MYO18B: variants seen among roughly 807,000 people sequenced by gnomAD.
MYO18B encodes the protein myosin XVIIIB.
MYO18B carries 204 observed loss-of-function variants against 273.0 expected under a neutral mutation model. The ratio of observed to expected loss-of-function variants is 0.75; its 90% CI spans 0.67 to 0.84. MYO18B has a LOEUF of 0.84. MYO18B is among the 40% of genes least tolerant of loss of function. The pLI is 0.00. For synonymous variants in MYO18B, 1,330 were observed against 1,305.7 expected, an observed-to-expected ratio of 1.02 and a Z score of -0.40; for missense variants, 3,212 against 3,287.6, an observed-to-expected ratio of 0.98 and a Z score of 0.56.
intron 39 of MYO18B, among the ~76,000 whole-genome samples, chr22:25,979,250 G>A (rs2093124954): frequency 6.6e-6 from 1 of 152,150 alleles, no homozygotes; most frequent in Non-Finnish European, 1.5e-5. Flanking sequence ...TGTCAAAGGT[G>A]GCTTAGTAAT....
At chr22:25,931,688 T>C (rs1244237169) in intron 34 of MYO18B, among the ~76,000 whole-genome samples, 11 of 144,774 alleles carry the variant, frequency 7.6e-5, no homozygotes, top group South Asian at 2.2e-4. Context: ...TTTCTTTTTT[T>C]TTTTTTTTTT....
At position 25,789,557 on chromosome 22, in the gene MYO18B, A is replaced by G. The variant is rs1457968268; in HGVS notation, c.2376+4066A>G. On this transcript the variant is annotated intron_variant, in intron 11 of 43. Transcript: ENST00000335473. ...AGGCTGAGGCAGGAGAATCACTGGG[A>G]CCTGGGAGGCAGAGGCTGCAGTGAG... Among the ~76,000 whole-genome samples the G allele has an allele frequency of 3.3e-5, 5 of 151,688 alleles. No homozygotes were observed. In the East Asian group the frequency reaches 9.7e-4, roughly 30 times the overall value.
intron 34 of MYO18B, among the ~76,000 whole-genome samples, chr22:25,944,393 C>T (rs1450540904): frequency 2.0e-5 from 3 of 152,270 alleles, no homozygotes; most frequent in Non-Finnish European, 4.4e-5. Context: ...TGACCCATCC[C>T]TCTCTGAGCC....
intron 11 of MYO18B, among the ~76,000 whole-genome samples, chr22:25,793,958 G>A (rs1205961390): frequency 6.6e-6 from 1 of 151,510 alleles, no homozygotes; most frequent in African/African-American, 2.4e-5. Flanking sequence ...TTTTGAGACG[G>A]AGTCTTGCTC....
chr22:25,878,447 A>G (rs1160543681), intron 25 of MYO18B, among the ~76,000 whole-genome samples: 1 of 152,242 alleles, frequency 6.6e-6, no homozygotes, highest in Non-Finnish European at 1.5e-5. Context: ...GAAATTTGCA[A>G]ACTGGAAAAG....
chr22:25,998,892 T>G (rs1017613743), intron 40 of MYO18B, among the ~76,000 whole-genome samples: 2 of 152,200 alleles, frequency 1.3e-5, no homozygotes, highest in African/African-American at 4.8e-5. Flanking sequence ...TGATGCTGCA[T>G]AGACCACCTG....
intron 39 of MYO18B, among the ~76,000 whole-genome samples, chr22:25,974,894 C>T (rs118148509): frequency 1.1e-3 from 172 of 152,184 alleles, no homozygotes; most frequent in Non-Finnish European, 1.9e-3. Context: ...AGAGGGAATG[C>T]GGGGGAAGAA....
rs534994979 is a variant in MYO18B, at chr22:25,971,959, T to A, written c.6156+16595T>A. Among the ~76,000 whole-genome samples, 336 of 150,812 alleles carry A rather than the reference T, an allele frequency of 2.2e-3. 1 individual carries two copies. The highest frequency in any genetic ancestry group is 7.6e-3 in the African/African-American group (313 of 41,084). On this transcript the variant is annotated intron_variant, in intron 39 of 43. Transcript: ENST00000335473. Reference sequence around the variant, plus strand: ...AACCTGAAAGGGCAAAAAAAAAAAATTTTTTTAGTAGAGACGGGGTTTTGC... The same window carrying A: ...AACCTGAAAGGGCAAAAAAAAAAAAATTTTTTAGTAGAGACGGGGTTTTGC...
intron 11 of MYO18B, among the ~76,000 whole-genome samples, chr22:25,787,250 G>A (rs1004395210): frequency 3.5e-5 from 5 of 141,774 alleles, no homozygotes; most frequent in Non-Finnish European, 6.0e-5. Context: ...AAATTGCTAA[G>A]CCTGTGTGCG....
At chr22:25,998,986 G>C (rs970660866) in intron 40 of MYO18B, among the ~76,000 whole-genome samples, 50 of 152,220 alleles carry the variant, frequency 3.3e-4, no homozygotes, top group African/African-American at 1.0e-3. Flanking sequence ...CCAGCATTAC[G>C]GGAAATAATG....
chr22:25,868,512 G>A, intron 22 of MYO18B, 127 bp downstream of exon 22: 1 of 765,650 alleles, frequency 1.3e-6, no homozygotes, highest in Non-Finnish European at 2.1e-6. Flanking sequence ...TGAAGGTAGA[G>A]CTAATGATTT....
chr22:25,768,781 C>A lies in MYO18B; in HGVS notation c.865C>A (p.Pro289Thr). ...PGKAEKEGAE[P>T]TNTVEKGNVS... ...GAAAGCAGAGAAGGAGGGAGCAGAGCCCACAAACACGGTGGAAAAGGGGAA... is the reference window on the plus strand; with the variant it reads ...GAAAGCAGAGAAGGAGGGAGCAGAGACCACAAACACGGTGGAAAAGGGGAA... The change falls in exon 4 of 44, where the codon CCC (proline) becomes ACC (threonine). Residue 289 changes from proline (P) to threonine (T), a missense_variant. Physicochemically the swap from Pro to Thr is conservative, Grantham distance 38. Coordinates refer to ENST00000335473, the MANE Select transcript of MYO18B (RefSeq NM_032608.7). 2 of 1,608,828 alleles carry A rather than the reference C, an allele frequency of 1.2e-6. No individual in the cohort carries two copies. The highest frequency in any genetic ancestry group is 2.2e-5 in the East Asian group (1 of 44,726).
chr22:25,772,913 ACT>A (rs2086773915), intron 7 of MYO18B, among the ~76,000 whole-genome samples: 1 of 152,130 alleles, frequency 6.6e-6, no homozygotes, highest in South Asian at 2.1e-4. Context: ...CGCAGGCTAA[ACT>A]CTCAGGTCTA....
intron 39 of MYO18B, among the ~76,000 whole-genome samples, chr22:25,990,270 A>G (rs1048739369): frequency 6.6e-5 from 10 of 152,168 alleles, no homozygotes; most frequent in African/African-American, 2.4e-4. Flanking sequence ...ATGCAGTCAT[A>G]GCCCCAGAAA....
At chr22:25,755,822 G>A (rs1375960425) in intron 1 of MYO18B, among the ~76,000 whole-genome samples, 1 of 152,126 alleles carries the variant, frequency 6.6e-6, no homozygotes, top group Non-Finnish European at 1.5e-5. Context: ...GAAGCTCCCT[G>A]AGGCCTCAGC....
In MYO18B at chr22:25,823,660, G is replaced by T. The variant is rs372933587; in HGVS notation, c.2677G>T (p.Asp893Tyr). ...TFGPSRWGLE[D>Y]EETSSGLKMT... ...TGGGCCAAGCCGATGGGGCCTCGAG[G>T]ATGAGGAAACCAGCTCAGGTACATG... Residue 893 changes from aspartate (D) to tyrosine (Y), a missense_variant, in exon 13 of 44, where the codon GAT becomes TAT. Physicochemically the swap from Asp to Tyr is radical, Grantham distance 160. Coordinates refer to ENST00000335473, the MANE Select transcript of MYO18B (RefSeq NM_032608.7). 10 of 1,613,974 alleles carry T rather than the reference G, an allele frequency of 6.2e-6. No homozygotes were observed. In the African/African-American group the frequency reaches 1.2e-4, roughly 19 times the overall value.
intron 41 of MYO18B, 79 bp downstream of exon 41, chr22:26,003,388 A>T: frequency 8.0e-7 from 1 of 1,246,992 alleles, no homozygotes; most frequent in South Asian, 1.3e-5. Flanking sequence ...CAGAGGGAAC[A>T]TCCATGTCCA....
intron 40 of MYO18B, among the ~76,000 whole-genome samples, chr22:25,993,865 C>T (rs1296955713): frequency 1.3e-5 from 2 of 151,978 alleles, no homozygotes; most frequent in African/African-American, 2.4e-5. Context: ...AAGAAATACA[C>T]CAACATTCTA....
At chr22:25,928,397 G>A (rs1423090328) in intron 34 of MYO18B, among the ~76,000 whole-genome samples, 3 of 138,306 alleles carry the variant, frequency 2.2e-5, no homozygotes, top group Admixed American at 7.2e-5. Context: ...AGTAAGACCC[G>A]GCCTCAAAAA....
Sources: gnomAD v4.1 joint callset for allele counts (sites outside exome capture counted in the v4.1 genomes callset) on GRCh38, gnomAD v4.1.1 for gene constraint, MANE v1.5 for transcripts, NCBI Gene and HGNC (gene_info 2026-07-23, HGNC 2026-07-21) for gene names.